USP47: variants seen among roughly 807,000 people sequenced by gnomAD.
USP47 encodes the protein ubiquitin specific peptidase 47, also known as ubiquitin carboxyl-terminal hydrolase 47.
A neutral mutation model predicts 165.1 loss-of-function variants in USP47; 35 were observed. The observed-to-expected ratio is 0.21, with a 90% CI of 0.16 to 0.28. The LOEUF (loss-of-function observed/expected upper bound fraction) is 0.28. Ranked by LOEUF, USP47 falls within the 10% of genes least tolerant of loss-of-function variation. The probability of loss-of-function intolerance (pLI) is 1.00; values close to 1 mark genes in which losing one functional copy is unlikely to be tolerated. For missense variants in USP47, 1,277 were observed against 1,607.4 expected (o/e 0.79, Z 3.52); for synonymous variants, 531 against 544.5 (o/e 0.98, Z 0.35).
At chr11:11,842,362 G>T in intron 1 of USP47, 138 bp downstream of exon 1, 2 of 1,001,152 alleles carry the variant, frequency 2.0e-6, no homozygotes, top group Non-Finnish European at 1.4e-6. Context: ...AGGCAGTCGG[G>T]GGTGGACGGT....
In USP47 at chr11:11,947,926, G is replaced by GA; in HGVS notation, c.3092-19_3092-18insA. On this transcript the variant is annotated intron_variant, in intron 20 of 27. Coordinates refer to ENST00000527733, the MANE Select transcript of USP47 (RefSeq NM_001282659.2). The stretch of plus-strand genomic sequence containing the variant: ...CTTTTACATTTTTGTTCCTGTTTTG[G>GA]TTTTTTTTTTGTGCTTAGGGTTGAT... The GA allele has an allele frequency of 7.5e-7, 1 of 1,334,418 alleles. No homozygotes were observed. Among genetic ancestry groups the GA allele is most frequent in the Non-Finnish European group, 1.0e-6 (1 of 988,990 alleles). The allele number at this position is 1,334,418 out of a possible 1,614,324, so 82.7% of individuals were successfully genotyped here.
chr11:11,902,770 C>G lies in USP47; in HGVS notation c.649C>G (p.Gln217Glu). The G allele has an allele frequency of 1.2e-6, 2 of 1,600,866 alleles. No individual in the cohort carries two copies. Among genetic ancestry groups the G allele is most frequent in the Non-Finnish European group, 1.7e-6 (2 of 1,172,894 alleles). Residue 217 changes from glutamine (Q) to glutamate (E), a missense_variant, in exon 6 of 28, where the codon CAA becomes GAA. Gln to Glu is a conservative substitution (Grantham distance 29). This residue lies in a region of USP47 where 175 missense variants were observed against 295.8 expected (regional missense o/e 0.59). Transcript: ENST00000527733. ...DPVTSIPYQL[Q>E]RLFVLLQTSK... ...AGTGACAAGTATTCCATACCAACTT[C>G]AAAGGCTTTTTGTTTTGTTACAAAC...
At chr11:11,925,839 T>C (rs1854202906) in intron 11 of USP47, among the ~76,000 whole-genome samples, 2 of 152,176 alleles carry the variant, frequency 1.3e-5, no homozygotes, top group South Asian at 4.2e-4. Context: ...GGGAAAGCTT[T>C]CCGTTTTTCA....
chr11:11,908,581 T>C (rs1176711087), intron 8 of USP47, among the ~76,000 whole-genome samples: 2 of 152,120 alleles, frequency 1.3e-5, no homozygotes, highest in Non-Finnish European at 2.9e-5. Context: ...TATTATAATA[T>C]CCACAATCAA....
chr11:11,947,498 C>G (rs1366585856), intron 20 of USP47, among the ~76,000 whole-genome samples: 2 of 152,156 alleles, frequency 1.3e-5, no homozygotes, highest in Non-Finnish European at 2.9e-5. Flanking sequence ...TCACTGAAGT[C>G]ACATTGCAAC....
At chr11:11,889,498 CAAGGA>C (rs1296167745) in intron 3 of USP47, among the ~76,000 whole-genome samples, 1 of 151,990 alleles carries the variant, frequency 6.6e-6, no homozygotes, top group East Asian at 1.9e-4. Flanking sequence ...ATACAGCTAA[CAAGGA>C]AAGTGAAGGA....
chr11:11,853,650 CTCT>C (rs1848853164), intron 1 of USP47, among the ~76,000 whole-genome samples: 2 of 152,210 alleles, frequency 1.3e-5, no homozygotes, highest in African/African-American at 4.8e-5. Context: ...AATAATTGCC[CTCT>C]TCTTTCATTT....
chr11:11,902,367 C>T (rs1469970853), intron 5 of USP47, among the ~76,000 whole-genome samples: 1 of 152,104 alleles, frequency 6.6e-6, no homozygotes. Flanking sequence ...CGTAGTATCT[C>T]ACGTAATAGT....
intron 3 of USP47, among the ~76,000 whole-genome samples, chr11:11,886,879 A>T (rs1264541783): frequency 6.6e-6 from 1 of 152,098 alleles, no homozygotes; most frequent in African/African-American, 2.4e-5. Context: ...CAAACAGTAG[A>T]CCTCTCAGTG....
In USP47 at chr11:11,948,455, A is replaced by T. The variant is rs190684607; in HGVS notation, c.3268-23A>T. 5.7e-6 allele frequency: 9 copies of T among 1,585,594 alleles called. No individual in the cohort carries two copies. In the Admixed American group the frequency reaches 1.3e-4, roughly 24 times the overall value. ...TTTATTCTGCTGAGACAGCATGTCT[A>T]AAAAAATGTTTTTAACTTATAGATT... On this transcript the variant is annotated intron_variant, in intron 21 of 27. Coordinates refer to ENST00000527733, the MANE Select transcript of USP47 (RefSeq NM_001282659.2).
At chr11:11,912,212 TAAAG>T (rs1402463876) in intron 8 of USP47, among the ~76,000 whole-genome samples, 3 of 150,688 alleles carry the variant, frequency 2.0e-5, no homozygotes, top group Admixed American at 2.0e-4. Context: ...AAGGACATAA[TAAAG>T]AAAAGCCGAG....
In USP47 at chr11:11,849,926, A is replaced by G. The variant is rs61870712; in HGVS notation, c.39+7702A>G. 2.9e-3 allele frequency among the ~76,000 whole-genome samples: 447 copies of G among 152,288 alleles called. 2 individuals are homozygous for G. The highest frequency in any genetic ancestry group is 0.01 in the African/African-American group (436 of 41,540). ...TCTGAGTCAGAAATAATTTTTTCTC[A>G]GAATTTTGAAGGCATTGCTCTACTG... is the stretch of plus-strand genomic sequence containing the variant. On this transcript the variant is annotated intron_variant, in intron 1 of 27. Coordinates refer to ENST00000527733, the MANE Select transcript of USP47 (RefSeq NM_001282659.2).
Position 11,958,447 on chromosome 11 carries a change from C to T in USP47, c.*2272C>T, listed in dbSNP as rs1199728884. Reference sequence around the variant, plus strand: ...AATAAAAGCTAATCTGTGTCAGCCTCCCTCTGCTTCAGAGAGTCAGGTGAG... The same window carrying T: ...AATAAAAGCTAATCTGTGTCAGCCTTCCTCTGCTTCAGAGAGTCAGGTGAG... On this transcript the variant is annotated 3_prime_UTR_variant, in exon 28 of 28. Transcript: ENST00000527733. The T allele has an allele frequency of 6.6e-6, 1 of 152,234 alleles. No individual in the cohort carries two copies. 9.4% of individuals were successfully genotyped at this position (152,234 alleles called of 1,614,324 possible).
At chr11:11,879,578 C>T (rs532464974) in intron 1 of USP47, among the ~76,000 whole-genome samples, 77 of 152,216 alleles carry the variant, frequency 5.1e-4, no homozygotes, top group African/African-American at 1.8e-3. Context: ...CCTTCCCCCT[C>T]CTCCTGGCTC....
At chr11:11,899,267 G>A (rs980963416) in intron 5 of USP47, among the ~76,000 whole-genome samples, 2 of 152,186 alleles carry the variant, frequency 1.3e-5, no homozygotes, top group African/African-American at 4.8e-5. Context: ...CAGGAATGGG[G>A]ATCCTGGGCA....
intron 1 of USP47, among the ~76,000 whole-genome samples, chr11:11,857,963 G>A (rs1220396792): frequency 6.7e-6 from 1 of 150,036 alleles, no homozygotes; most frequent in East Asian, 2.0e-4. Context: ...GCATAGGAGA[G>A]TGACCTTTGT....
At chr11:11,921,770 G>A (rs1853855241) in intron 10 of USP47, among the ~76,000 whole-genome samples, 1 of 151,838 alleles carries the variant, frequency 6.6e-6, no homozygotes, top group African/African-American at 2.4e-5. Flanking sequence ...AAACTTCCTA[G>A]AGAATTCTAG....
chr11:11,929,734 A>G (rs1854511986), intron 12 of USP47, among the ~76,000 whole-genome samples, 169 bp downstream of exon 12: 1 of 152,082 alleles, frequency 6.6e-6, no homozygotes, highest in Admixed American at 6.6e-5. Context: ...GCCTTTGTTT[A>G]TTATTTCTTT....
intron 20 of USP47, 87 bp downstream of exon 20, chr11:11,943,199 T>G: frequency 7.1e-7 from 1 of 1,414,558 alleles, no homozygotes; most frequent in Non-Finnish European, 9.5e-7. Flanking sequence ...TGTTAGGTAC[T>G]TAGTTCTAAG....
Sources: gnomAD v4.1 joint callset for allele counts (sites outside exome capture counted in the v4.1 genomes callset) on GRCh38, gnomAD v4.1.1 for gene constraint, gnomAD v4.1.1 regional missense constraint, MANE v1.5 for transcripts, NCBI Gene and HGNC (gene_info 2026-07-23, HGNC 2026-07-21) for gene names.